The following C6orf141 variants were observed in gnomAD, a reference collection of about 807,000 sequenced individuals.
C6orf141 encodes chromosome 6 open reading frame 141, also known as uncharacterized protein C6orf141.
For synonymous variants in C6orf141, 164 were observed against 140.5 expected, an observed-to-expected ratio of 1.17 and a Z score of -1.18; for missense variants, 361 against 335.8, an observed-to-expected ratio of 1.07 and a Z score of -0.59.
At chr6:49,555,569 C>T (rs532681957), downstream of C6orf141, among the ~76,000 whole-genome samples, 133 of 141,118 alleles carry the variant, frequency 9.4e-4, 1 homozygote, top group Middle Eastern at 4.6e-3. Context: ...AGTGCAGTGG[C>T]GCAATCTTCG....
At chr6:49,558,158 C>T (rs1375461722) in intron 4 of C6orf141, among the ~76,000 whole-genome samples, 1 of 148,808 alleles carries the variant, frequency 6.7e-6, no homozygotes, top group Non-Finnish European at 1.5e-5. Flanking sequence ...TTGCCTTGGC[C>T]TCCCAAAGTG....
chr6:49,550,683 C>A lies in C6orf141; in HGVS notation c.-110C>A. 2.0e-6 allele frequency: 2 copies of A among 1,006,296 alleles called. No homozygotes were observed. Among genetic ancestry groups the A allele is most frequent in the Non-Finnish European group, 2.8e-6 (2 of 716,166 alleles). The allele number at this position is 1,006,296 out of a possible 1,614,324, so 62.3% of individuals were successfully genotyped here. On this transcript the variant is annotated 5_prime_UTR_variant, in exon 1 of 1. Transcript: ENST00000529246. ...GGGCTGATCTAGTCTTCAGCTTTCA[C>A]CGGCTGGGAGTCCGGAGCTGCAGCA...
At chr6:49,560,526 T>A (rs1773102448) in intron 4 of C6orf141, 3 of 152,228 alleles carry the variant, frequency 2.0e-5, no homozygotes, top group Non-Finnish European at 4.4e-5. Flanking sequence ...TCTGCTTTCT[T>A]TTTTTAGCCT....
chr6:49,552,924 CTTTTTCTATT>C (rs1371877302), downstream of C6orf141: 1 of 152,198 alleles, frequency 6.6e-6, no homozygotes, highest in East Asian at 1.9e-4. Context: ...GGTTTTCTTT[CTTTTTCTATT>C]TTTTTCTTTT....
At position 49,550,734 on chromosome 6, in the gene C6orf141, C is replaced by A; in HGVS notation, c.-59C>A. On this transcript the variant is annotated 5_prime_UTR_variant, in exon 1 of 1. Coordinates refer to ENST00000529246, the MANE Select transcript of C6orf141 (RefSeq NM_001145652.2). ...GAGGCCACACCCAGGGCTTGGTGGTCCCGCGCTTTCCGGAGCTCAGCAGGC... is the reference window on the plus strand; with the variant it reads ...GAGGCCACACCCAGGGCTTGGTGGTACCGCGCTTTCCGGAGCTCAGCAGGC... 7.2e-7 allele frequency: 1 copy of A among 1,389,018 alleles called. No individual in the cohort carries two copies. Among genetic ancestry groups the A allele is most frequent in the South Asian group, 1.6e-5 (1 of 61,348 alleles). The allele number at this position is 1,389,018 out of a possible 1,614,324, so 86.0% of individuals were successfully genotyped here.
At chr6:49,553,384 A>T (rs1242324222), downstream of C6orf141, among the ~76,000 whole-genome samples, 1 of 152,242 alleles carries the variant, frequency 6.6e-6, no homozygotes, top group Non-Finnish European at 1.5e-5. Context: ...ATCTGAGCTC[A>T]TCTGTGTTCA....
At chr6:49,555,285 TCTTTGCTTTGAAAAAGAAAAAAA>T (rs1771603514), downstream of C6orf141, 1 of 152,180 alleles carries the variant, frequency 6.6e-6, no homozygotes, top group Non-Finnish European at 1.5e-5. Flanking sequence ...TTGATGTGGC[TCTTTGCTTTGAAAAAGAAAAAAA>T]CTTTTTATTA....
In C6orf141 at chr6:49,551,607, T is replaced by A; in HGVS notation, c.*80T>A. 1 of 1,518,014 alleles carries A rather than the reference T, an allele frequency of 6.6e-7. No individual in the cohort carries two copies. The highest frequency in any genetic ancestry group is 8.8e-7 in the Non-Finnish European group (1 of 1,136,444). The allele number at this position is 1,518,014 out of a possible 1,614,324, so 94.0% of individuals were successfully genotyped here. A position where few individuals can be genotyped will look rare whatever the true frequency, so the allele number is the denominator to read the frequency against. ...AAATGCTATTCTGGGAGCTCCAACCTGCAATTAACCTACAGAAGGAACCTT... is the reference window on the plus strand; with the variant it reads ...AAATGCTATTCTGGGAGCTCCAACCAGCAATTAACCTACAGAAGGAACCTT... On this transcript the variant is annotated 3_prime_UTR_variant, in exon 1 of 1. Transcript: ENST00000529246.
At position 49,551,117 on chromosome 6, in the gene C6orf141, G is replaced by A. The variant is rs1372701420; in HGVS notation, c.325G>A (p.Glu109Lys). The change falls in exon 1 of 1, where the codon GAG becomes AAG. Residue 109 changes from glutamate to lysine, a missense_variant. Glu to Lys is a moderately conservative substitution (Grantham distance 56). Transcript: ENST00000529246. ...GACTCGAGGGGACCCTGCACGGGAAGAGGTGGCCGGTGCAGAGGACCTTCC... is the reference window on the plus strand; with the variant it reads ...GACTCGAGGGGACCCTGCACGGGAAAAGGTGGCCGGTGCAGAGGACCTTCC... ...LGTRGDPAREEVAGAEDLPHA... is the reference protein window; with the variant it reads ...LGTRGDPAREKVAGAEDLPHA... The A allele has an allele frequency of 4.5e-6, 7 of 1,551,606 alleles. No individual in the cohort carries two copies. In the African/African-American group the frequency reaches 8.2e-5, roughly 18 times the overall value.
chr6:49,561,362 G>C (rs1773293831), intron 4 of C6orf141, among the ~76,000 whole-genome samples: 1 of 152,140 alleles, frequency 6.6e-6, no homozygotes, highest in Non-Finnish European at 1.5e-5. Flanking sequence ...GCCTCCCAAA[G>C]TGCTGGGATC....
intron 4 of C6orf141, among the ~76,000 whole-genome samples, chr6:49,561,161 G>A (rs924905530): frequency 2.7e-5 from 4 of 150,306 alleles, no homozygotes; most frequent in African/African-American, 9.8e-5. Flanking sequence ...TAAGTGGCAC[G>A]ATATCAGCTC....
chr6:49,553,603 G>T (rs910442859), downstream of C6orf141, among the ~76,000 whole-genome samples: 8 of 152,138 alleles, frequency 5.3e-5, no homozygotes, highest in African/African-American at 1.9e-4. Flanking sequence ...ACCAAAAATG[G>T]TAAGTAGCAT....
downstream of C6orf141, among the ~76,000 whole-genome samples, chr6:49,553,456 C>T (rs1472080632): frequency 6.6e-6 from 1 of 152,178 alleles, no homozygotes; most frequent in Non-Finnish European, 1.5e-5. Context: ...CTTAACAACC[C>T]TCCCTGACTC....
chr6:49,553,511 CTTA>C (rs1330599777), downstream of C6orf141, among the ~76,000 whole-genome samples: 3 of 152,214 alleles, frequency 2.0e-5, no homozygotes, highest in African/African-American at 7.2e-5. Context: ...CAGACCTGAG[CTTA>C]TTAATTTGGT....
At chr6:49,555,413 A>G (rs531492231), downstream of C6orf141, 30 of 152,262 alleles carry the variant, frequency 2.0e-4, no homozygotes, top group African/African-American at 6.0e-4. Flanking sequence ...AGATGACCCC[A>G]AATCTCTTTT....
rs2127268516 is a variant in C6orf141, at chr6:49,551,850, T to G, written c.*323T>G. 3.4e-6 allele frequency: 4 copies of G among 1,175,804 alleles called. No individual in the cohort carries two copies. The East Asian group carries it at 1.9e-4, about 56-fold the overall frequency. 72.8% of individuals were successfully genotyped at this position (1,175,804 alleles called of 1,614,324 possible). ...AATAACTCTCAATTGATCTCTTTTC[T>G]GTTCCCCGCCCCCCTCTTGTTTCTC... On this transcript the variant is annotated 3_prime_UTR_variant, in exon 1 of 1. Transcript: ENST00000529246.
Position 49,551,006 on chromosome 6 carries a change from G to C in C6orf141, c.214G>C (p.Gly72Arg). 1 of 1,551,336 alleles carries C rather than the reference G, an allele frequency of 6.4e-7. No homozygotes were observed. The part of the protein sequence containing the change: ...HEDRTADRAL[G>R]PRAGEELDRE... ...GGACAGAACGGCAGATCGGGCCCTCGGACCTCGGGCCGGGGAGGAATTGGA... is the reference window on the plus strand; with the variant it reads ...GGACAGAACGGCAGATCGGGCCCTCCGACCTCGGGCCGGGGAGGAATTGGA... Residue 72 changes from glycine to arginine, a missense_variant, in exon 1 of 1, where the codon GGA becomes CGA. Gly to Arg is a moderately radical substitution (Grantham distance 125). Transcript: ENST00000529246.
In C6orf141 at chr6:49,551,272, G is replaced by A. The variant is rs1370810147; in HGVS notation, c.480G>A (p.Val160=). 1 of 1,551,678 alleles carries A rather than the reference G, an allele frequency of 6.4e-7. No homozygotes were observed. The highest frequency in any genetic ancestry group is 8.7e-7 in the Non-Finnish European group (1 of 1,146,980). The change falls in exon 1 of 1, where the codon GTG becomes GTA. Residue 160 remains valine (V), a synonymous_variant. Transcript: ENST00000529246. ...CAGACCCACCCAAATACGTGCTTGT[G>A]CGGGTGGAGGATTATCAGGTAACAC... ...DAADPPKYVL[V]RVEDYQVTQE...
chr6:49,554,490 C>T (rs1046749082), downstream of C6orf141, among the ~76,000 whole-genome samples: 1 of 152,208 alleles, frequency 6.6e-6, no homozygotes, highest in East Asian at 1.9e-4. Flanking sequence ...ACACCATTCT[C>T]CTGCCTCAGC....
Sources: gnomAD v4.1 joint callset for allele counts (sites outside exome capture counted in the v4.1 genomes callset) on GRCh38, gnomAD v4.1.1 for gene constraint, MANE v1.5 for transcripts, NCBI Gene and HGNC (gene_info 2026-07-23, HGNC 2026-07-21) for gene names.